The following USP7 variants were observed in gnomAD, a reference collection of about 807,000 sequenced individuals.
The protein encoded by USP7 is ubiquitin specific peptidase 7, also known as ubiquitin C-terminal hydrolase 7.
Under a neutral mutation model 162.9 loss-of-function variants are expected in USP7, and 9 were observed. The observed-to-expected ratio is 0.06, with a 90% CI of 0.03 to 0.10. The LOEUF (loss-of-function observed/expected upper bound fraction) is 0.10. USP7 is among the 10% of genes least tolerant of loss of function. The pLI is 1.00. For missense variants in USP7, 715 were observed against 1,373.7 expected, an observed-to-expected ratio of 0.52 and a Z score of 7.58; for synonymous variants, 562 against 475.9, an observed-to-expected ratio of 1.18 and a Z score of -2.35.
intron 12 of USP7, 50 bp from the exon 13 acceptor site, chr16:8,906,632 T>A (rs777783816): frequency 1.3e-6 from 2 of 1,555,748 alleles, no homozygotes; most frequent in East Asian, 2.3e-5. Context: ...ACACAAAAAA[T>A]ATCACACTTT....
At chr16:8,920,318 A>C (rs200774924) in intron 5 of USP7, 41 bp downstream of exon 5, 1 of 1,555,280 alleles carries the variant, frequency 6.4e-7, no homozygotes, top group Non-Finnish European at 8.8e-7. Context: ...ACTGCAGCAC[A>C]AAAGACATTT....
intron 2 of USP7, among the ~76,000 whole-genome samples, chr16:8,924,173 C>CA (rs1184232186): frequency 2.6e-5 from 4 of 152,210 alleles, no homozygotes; most frequent in African/African-American, 9.7e-5. Context: ...TCACTGATGA[C>CA]AGTGACTATT....
intron 1 of USP7, among the ~76,000 whole-genome samples, chr16:8,960,983 TTTC>T (rs1255838808): frequency 9.2e-5 from 14 of 152,006 alleles, no homozygotes; most frequent in Non-Finnish European, 1.9e-4. Flanking sequence ...AAGAAATGAG[TTTC>T]TTAAGTTTAA....
At chr16:8,962,984 G>A (rs1900080646) in intron 1 of USP7, 1 of 250,936 alleles carries the variant, frequency 4.0e-6, no homozygotes. Flanking sequence ...CGGACGCGAG[G>A]TCGGGACAAT....
chr16:8,896,008 T>C (rs1049501290), intron 26 of USP7, among the ~76,000 whole-genome samples: 15 of 152,164 alleles, frequency 9.9e-5, no homozygotes, highest in African/African-American at 3.6e-4. Context: ...GGCTGATTTT[T>C]GCATTTTTAG....
chr16:8,925,610 G>C (rs1412499018), intron 2 of USP7, among the ~76,000 whole-genome samples: 3 of 152,166 alleles, frequency 2.0e-5, no homozygotes, highest in Admixed American at 2.0e-4. Context: ...TTTGCACTTG[G>C]TTCACCTGCT....
chr16:8,957,775 A>AC (rs1899869870), intron 1 of USP7, among the ~76,000 whole-genome samples: 1 of 150,858 alleles, frequency 6.6e-6, no homozygotes, highest in African/African-American at 2.4e-5. Context: ...AAAAAAAAAC[A>AC]AAAAAAAATT....
chr16:8,931,351 G>GTT (rs1898326518), intron 1 of USP7, among the ~76,000 whole-genome samples: 1 of 152,120 alleles, frequency 6.6e-6, no homozygotes, highest in Non-Finnish European at 1.5e-5. Context: ...ACCACGCCCA[G>GTT]CTAATTTTGT....
Position 8,951,538 on chromosome 16 carries a change from C to A in USP7, c.79+11669G>T, listed in dbSNP as rs548062836. Reference sequence around the variant, plus strand: ...GGCTTGGAGAGAGCCCCTGGATATCCTATTTGCTCATCTGTAAATGCAGAG... The same window carrying A: ...GGCTTGGAGAGAGCCCCTGGATATCATATTTGCTCATCTGTAAATGCAGAG... On this transcript the variant is annotated intron_variant, in intron 1 of 30. Coordinates refer to ENST00000344836, the MANE Select transcript of USP7 (RefSeq NM_003470.3). 4.6e-5 allele frequency among the ~76,000 whole-genome samples: 7 copies of A among 152,244 alleles called. No individual in the cohort carries two copies. In the South Asian group the frequency reaches 1.5e-3, roughly 32 times the overall value.
rs1897808296 is a variant in USP7 at position 8,923,353 on chromosome 16, C to G, written c.245G>C (p.Ser82Thr). The G allele has an allele frequency of 6.2e-7, 1 of 1,614,122 alleles. No individual in the cohort carries two copies. The highest frequency in any genetic ancestry group is 8.5e-7 in the Non-Finnish European group (1 of 1,180,050). Residue 82 changes from serine to threonine, a missense_variant, in exon 3 of 31, where the codon AGT becomes ACT. Ser to Thr is a moderately conservative substitution (Grantham distance 58). Transcript: ENST00000344836. The part of the protein sequence containing the change: ...QFTVERFSRL[S>T]ESVLSPPCFV... Reference sequence around the variant, plus strand: ...ACACGGAGGGCTAAGGACCGACTCACTCAGTCTGCTGAAGCGCTCCACAGT... The same window carrying G: ...ACACGGAGGGCTAAGGACCGACTCAGTCAGTCTGCTGAAGCGCTCCACAGT...
In USP7 at chr16:8,894,562, C is replaced by G; in HGVS notation, c.3190G>C (p.Glu1064Gln). The G allele has an allele frequency of 6.2e-7, 1 of 1,612,558 alleles. No homozygotes were observed. Among genetic ancestry groups the G allele is most frequent in the Non-Finnish European group, 8.5e-7 (1 of 1,179,986 alleles). Residue 1064 changes from glutamate (E) to glutamine (Q), a missense_variant, in exon 30 of 31, where the codon GAG becomes CAG. Glu to Gln is a conservative substitution (Grantham distance 29). Transcript: ENST00000344836. ...DEYEVNLKDF[E>Q]PQPGNMSHPR... Reference sequence around the variant, plus strand: ...GGAGAACCCTTACCGGGCTGTGGCTCAAAGTCTTTCAAATTTACTTCATAC... The same window carrying G: ...GGAGAACCCTTACCGGGCTGTGGCTGAAAGTCTTTCAAATTTACTTCATAC...
At chr16:8,908,251 G>T (rs2061891173) in intron 12 of USP7, 90 bp downstream of exon 12, 1 of 1,071,178 alleles carries the variant, frequency 9.3e-7, no homozygotes, top group Non-Finnish European at 1.4e-6. Flanking sequence ...ATGTGGGACT[G>T]AAAATATAAA....
chr16:8,958,374 C>A (rs1208089833), intron 1 of USP7, among the ~76,000 whole-genome samples: 1 of 152,202 alleles, frequency 6.6e-6, no homozygotes, highest in African/African-American at 2.4e-5. Context: ...CTGGGGCCAT[C>A]CTAAGACTGC....
At chr16:8,960,990 A>G (rs1318022925) in intron 1 of USP7, among the ~76,000 whole-genome samples, 1 of 152,244 alleles carries the variant, frequency 6.6e-6, no homozygotes, top group Non-Finnish European at 1.5e-5. Context: ...GAGTTTCTTA[A>G]GTTTAAGGAA....
At position 8,902,469 on chromosome 16, in the gene USP7, T is replaced by C; in HGVS notation, c.1853A>G (p.Asp618Gly). 1.2e-6 allele frequency: 2 copies of C among 1,613,778 alleles called. No individual in the cohort carries two copies. Among genetic ancestry groups the C allele is most frequent in the Non-Finnish European group, 1.7e-6 (2 of 1,179,946 alleles). ...TTGCATGGGCCACAATCGAATTTGA[T>C]CTTGTGGAAATCCCTGAAAAAAATA... ...SLSQTMGFPQ[D>G]QIRLWPMQAR... Residue 618 changes from aspartate (D) to glycine (G), a missense_variant, in exon 17 of 31, where the codon GAT becomes GGT. Asp to Gly is a moderately conservative substitution (Grantham distance 94). Coordinates refer to ENST00000344836, the MANE Select transcript of USP7 (RefSeq NM_003470.3).
intron 22 of USP7, 194 bp from the exon 23 acceptor site, chr16:8,899,382 G>A (rs2061740143): frequency 5.2e-6 from 4 of 765,536 alleles, no homozygotes; most frequent in Non-Finnish European, 8.2e-6. Flanking sequence ...GATAACTTTG[G>A]AAAGGGTTTT....
At chr16:8,902,056 C>G in intron 18 of USP7, 26 bp downstream of exon 18, 1 of 1,586,822 alleles carries the variant, frequency 6.3e-7, no homozygotes. Context: ...GCTCTAAGTG[C>G]AGGCAGGCGT....
intron 1 of USP7, among the ~76,000 whole-genome samples, chr16:8,941,185 G>A (rs1002391162): frequency 1.1e-4 from 17 of 152,014 alleles, no homozygotes; most frequent in Non-Finnish European, 1.5e-4. Flanking sequence ...CAGCCCTCAC[G>A]CCCTCTGTGC....
intron 1 of USP7, chr16:8,962,481 G>C (rs974258746): frequency 6.7e-6 from 3 of 449,506 alleles, no homozygotes; most frequent in Non-Finnish European, 1.3e-5. Flanking sequence ...GTTACCTTTC[G>C]AGTCAGGTTT....
Sources: gnomAD v4.1 joint callset for allele counts (sites outside exome capture counted in the v4.1 genomes callset) on GRCh38, gnomAD v4.1.1 for gene constraint, MANE v1.5 for transcripts, NCBI Gene and HGNC (gene_info 2026-07-23, HGNC 2026-07-21) for gene names.